ZCCHC14: variants seen among roughly 807,000 people sequenced by gnomAD.
The protein encoded by ZCCHC14 is zinc finger CCHC-type containing 14, also known as zinc finger CCHC domain-containing protein 14.
ZCCHC14 carries 16 observed loss-of-function variants against 85.0 expected under a neutral mutation model. The observed-to-expected ratio is 0.19, with a 90% confidence interval of 0.13 to 0.29. ZCCHC14 has a LOEUF of 0.29. Ranked by LOEUF, ZCCHC14 falls within the 10% of genes least tolerant of loss-of-function variation. ZCCHC14 has a pLI of 1.00. For synonymous variants in ZCCHC14, 775 were observed against 630.7 expected (o/e 1.23, Z -3.43); for missense variants, 1,303 against 1,443.5 (o/e 0.90, Z 1.58).
rs1000737097 is a variant in ZCCHC14 at position 87,470,781 on chromosome 16, G to C, written c.571-10650C>G. On this transcript the variant is annotated intron_variant, in intron 1 of 12. Transcript: ENST00000671377. ...ATGCTCACAGATAATGTGAAAATGG[G>C]CAGAACGTACATCAGTTGTGTGCAA... 7 of 152,216 alleles carry C rather than the reference G, an allele frequency of 4.6e-5. No homozygotes were observed. The East Asian group carries it at 1.2e-3, about 25-fold the overall frequency. The allele number at this position is 152,216 out of a possible 1,614,324, so 9.4% of individuals were successfully genotyped here.
chr16:87,460,068 T>G lies in ZCCHC14; in HGVS notation c.634A>C (p.Thr212Pro). Residue 212 changes from threonine (T) to proline (P), a missense_variant, in exon 2 of 13, where the codon ACA becomes CCA. Thr to Pro is a conservative substitution (Grantham distance 38, BLOSUM62 -1). This residue lies in a region of ZCCHC14 where 389 missense variants were observed against 397.8 expected (regional missense o/e 0.98). Transcript: ENST00000671377. Reference protein sequence around the residue: ...VSNSLENALHTSAHSTEESLP... With the variant: ...VSNSLENALHPSAHSTEESLP... Reference sequence around the variant, plus strand: ...GACTCCTCCGTGGAATGTGCTGATGTGTGCAGGGCATTCTCCAAACTATTA... The same window carrying G: ...GACTCCTCCGTGGAATGTGCTGATGGGTGCAGGGCATTCTCCAAACTATTA... 1 of 1,614,198 alleles carries G rather than the reference T, an allele frequency of 6.2e-7. No homozygotes were observed. The highest frequency in any genetic ancestry group is 8.5e-7 in the Non-Finnish European group (1 of 1,180,024).
chr16:87,431,534 G>C (rs950130997), intron 3 of ZCCHC14, among the ~76,000 whole-genome samples: 1 of 151,824 alleles, frequency 6.6e-6, no homozygotes, highest in Non-Finnish European at 1.5e-5. Flanking sequence ...GGCCGGTCAG[G>C]TTGTATGAAG....
rs1912761490 is a variant in ZCCHC14 at position 87,491,420 on chromosome 16, G to A, written c.570+249C>T. ...GTACGGCGGAGGCTTGGGATGTACG[G>A]CGGAGGCTTGGGATGTACGGTGGAG... On this transcript the variant is annotated intron_variant, in intron 1 of 12. Coordinates refer to ENST00000671377, the MANE Select transcript of ZCCHC14 (RefSeq NM_015144.3). This position sits in a 1 kb window ranked among gnomAD's most constrained non-coding sequence, Gnocchi z 5.9. 6.6e-6 allele frequency among the ~76,000 whole-genome samples: 1 copy of A among 152,094 alleles called. No individual in the cohort carries two copies. The highest frequency in any genetic ancestry group is 2.4e-5 in the African/African-American group (1 of 41,406).
At position 87,456,614 on chromosome 16, in the gene ZCCHC14, T is replaced by G. The variant is rs190062006; in HGVS notation, c.694+3394A>C. 4.6e-3 allele frequency among the ~76,000 whole-genome samples: 695 copies of G among 151,004 alleles called. 2 individuals carry two copies. The highest frequency in any genetic ancestry group is 0.015 in the African/African-American group (635 of 41,280). ...TTCTTAGAATTCATGTTCTAATTGGTTGGGATAGATTTTGTTTTGGAGTTT... is the reference window on the plus strand; with the variant it reads ...TTCTTAGAATTCATGTTCTAATTGGGTGGGATAGATTTTGTTTTGGAGTTT... On this transcript the variant is annotated intron_variant, in intron 2 of 12. Transcript: ENST00000671377.
rs1912812607 is a variant in ZCCHC14 at position 87,492,429 on chromosome 16, G to A, written c.-191C>T. Reference sequence around the variant, plus strand: ...GGGGCGGGGACCGGGGCCGGGCAAGGCTCCCGTCAGGGGCCGGCGGGCGGG... The same window carrying A: ...GGGGCGGGGACCGGGGCCGGGCAAGACTCCCGTCAGGGGCCGGCGGGCGGG... On this transcript the variant is annotated 5_prime_UTR_variant, in exon 1 of 13. Coordinates refer to ENST00000671377, the MANE Select transcript of ZCCHC14 (RefSeq NM_015144.3). This position sits in a 1 kb window ranked among gnomAD's most constrained non-coding sequence, Gnocchi z 6.7. 1 of 144,866 alleles carries A rather than the reference G, an allele frequency of 6.9e-6. No homozygotes were observed. Among genetic ancestry groups the A allele is most frequent in the Non-Finnish European group, 1.5e-5 (1 of 65,410 alleles). The allele number at this position is 144,866 out of a possible 1,614,324, so 9.0% of individuals were successfully genotyped here.
At chr16:87,431,724 G>C (rs1365355232) in intron 3 of ZCCHC14, among the ~76,000 whole-genome samples, 3 of 152,144 alleles carry the variant, frequency 2.0e-5, no homozygotes, top group African/African-American at 7.2e-5. Flanking sequence ...GAAGAGGCCT[G>C]ACACCGCAAT....
At position 87,411,742 on chromosome 16, in the gene ZCCHC14, G is replaced by A; in HGVS notation, c.2979C>T (p.Ser993=). The A allele has an allele frequency of 6.2e-7, 1 of 1,612,814 alleles. No homozygotes were observed. Among genetic ancestry groups the A allele is most frequent in the Non-Finnish European group, 8.5e-7 (1 of 1,179,006 alleles). ...TCAGGACAGGGTCTGGGGTCCCGCT[G>A]CTGCTGTAAGGGGCGTGCACGACGG... ...TFPVVHAPYS[S]SGTPDPVLSG... The change falls in exon 12 of 13, where the codon AGC becomes AGT. Residue 993 remains serine (S), a synonymous_variant. Transcript: ENST00000671377.
At chr16:87,415,592 C>T (rs778201468) in intron 8 of ZCCHC14, among the ~76,000 whole-genome samples, 3 of 152,156 alleles carry the variant, frequency 2.0e-5, no homozygotes, top group African/African-American at 4.8e-5. Context: ...AGAGTGTCCC[C>T]GGCTCCTCCA....
rs1297802806 is a variant in ZCCHC14 at position 87,413,614 on chromosome 16, A to G, written c.1604-419T>C. Among the ~76,000 whole-genome samples, 5 of 151,048 alleles carry G rather than the reference A, an allele frequency of 3.3e-5. No individual in the cohort carries two copies. In the East Asian group the frequency reaches 7.8e-4, roughly 24 times the overall value. The stretch of plus-strand genomic sequence containing the variant: ...CTGAGCTACTGCTCCTCCGATTTCT[A>G]TTGTGAAGAAAACCCGGCTCCTCTT... On this transcript the variant is annotated intron_variant, in intron 10 of 12. Transcript: ENST00000671377.
At chr16:87,476,267 A>C (rs1053793852) in intron 1 of ZCCHC14, among the ~76,000 whole-genome samples, 2 of 152,254 alleles carry the variant, frequency 1.3e-5, no homozygotes, top group African/African-American at 4.8e-5. Context: ...TGGATCGGTA[A>C]GGAATGAAAA....
rs747570358 is a variant in ZCCHC14, at chr16:87,414,519, G to A, written c.1498C>T (p.Leu500=). 6.2e-7 allele frequency: 1 copy of A among 1,612,382 alleles called. No individual in the cohort carries two copies. The highest frequency in any genetic ancestry group is 8.5e-7 in the Non-Finnish European group (1 of 1,179,096). Residue 500 remains leucine (L), a synonymous_variant, in exon 10 of 13, where the codon CTG becomes TTG. Transcript: ENST00000671377. ...LEKEKSERRC[L]NPSAPPLVTS... ...ACCAGCGGCGGGGCCGAGGGGTTCA[G>A]GCACCGTCTCTCTGACTTCTCCCTG...
chr16:87,438,015 C>CT (rs1242865555), intron 2 of ZCCHC14, among the ~76,000 whole-genome samples: 1 of 152,258 alleles, frequency 6.6e-6, no homozygotes, highest in East Asian at 1.9e-4. Flanking sequence ...CATCTCACAC[C>CT]TGCTGCTGGC....
At chr16:87,490,055 C>T (rs757097572) in intron 1 of ZCCHC14, among the ~76,000 whole-genome samples, 113 of 152,114 alleles carry the variant, frequency 7.4e-4, no homozygotes, top group Non-Finnish European at 1.5e-3. Context: ...TTCCTAGGAC[C>T]CTCTGCACAG....
In ZCCHC14 at chr16:87,411,218, C is replaced by T. The variant is rs563335759; in HGVS notation, c.3205+298G>A. On this transcript the variant is annotated intron_variant, in intron 12 of 12. Transcript: ENST00000671377. The stretch of plus-strand genomic sequence containing the variant: ...TAAGCCAGGGGGCAGCACTGAATCC[C>T]TCACACGTGCCTCTCTGGGCTCGAA... 5.3e-5 allele frequency among the ~76,000 whole-genome samples: 8 copies of T among 152,284 alleles called. No homozygotes were observed. In the South Asian group the frequency reaches 1.2e-3, roughly 24 times the overall value.
chr16:87,477,425 G>T (rs1260968025), intron 1 of ZCCHC14, among the ~76,000 whole-genome samples: 1 of 152,206 alleles, frequency 6.6e-6, no homozygotes, highest in African/African-American at 2.4e-5. Flanking sequence ...CATCAGCAGA[G>T]CTGGCAGAAG....
chr16:87,411,007 G>A (rs900772407), intron 12 of ZCCHC14, among the ~76,000 whole-genome samples: 2 of 152,222 alleles, frequency 1.3e-5, no homozygotes, highest in Non-Finnish European at 2.9e-5. Context: ...CATCCACTGG[G>A]ATTTGACTAA....
chr16:87,472,581 C>G (rs915862688), intron 1 of ZCCHC14: 1 of 152,384 alleles, frequency 6.6e-6, no homozygotes, highest in African/African-American at 2.4e-5. Context: ...TTAGGAGCAA[C>G]AGGTGACAGC....
intron 3 of ZCCHC14, among the ~76,000 whole-genome samples, chr16:87,431,387 G>C (rs1237098552): frequency 6.6e-6 from 1 of 150,826 alleles, no homozygotes; most frequent in Non-Finnish European, 1.5e-5. Flanking sequence ...GCAGGAAAAT[G>C]GTGTGAACCC....
At chr16:87,467,387 C>A in intron 1 of ZCCHC14, 1 of 1,599,822 alleles carries the variant, frequency 6.3e-7, no homozygotes, top group South Asian at 1.1e-5. Context: ...AGAAACTGGG[C>A]ACAGTTTACT....
Sources: allele counts gnomAD v4.1 joint callset (sites outside exome capture counted in the v4.1 genomes callset), GRCh38; gene constraint gnomAD v4.1.1; regional missense constraint gnomAD v4.1.1; non-coding constraint Gnocchi (gnomAD v3.1); transcripts MANE v1.5; gene names NCBI Gene and HGNC (gene_info 2026-07-23, HGNC 2026-07-21).